The following TBXA2R variants were observed in gnomAD, a reference collection of about 807,000 sequenced individuals.
The protein encoded by TBXA2R is prostanoid TP receptor.
In TBXA2R, 15 loss-of-function variants were observed where a neutral mutation model predicts 15.6. The observed-to-expected ratio is 0.96, with a 90% CI of 0.64 to 1.48. TBXA2R has a LOEUF of 1.48. TBXA2R is among the 40% of genes most tolerant of loss of function. The pLI is 0.00. For synonymous variants in TBXA2R, 280 were observed against 241.2 expected, an observed-to-expected ratio of 1.16 and a Z score of -1.49; for missense variants, 506 against 491.4, an observed-to-expected ratio of 1.03 and a Z score of -0.28.
rs563829483 is a variant in TBXA2R at position 3,601,545 on chromosome 19, C to A, written c.-83-828G>T. 3.3e-5 allele frequency among the ~76,000 whole-genome samples: 5 copies of A among 150,978 alleles called. No homozygotes were observed. The South Asian group carries it at 6.3e-4, about 19-fold the overall frequency. On this transcript the variant is annotated intron_variant, in intron 1 of 2. Transcript: ENST00000375190. ...CTCAAAAAAAAAAAAACCAACCAACCAACAAACAAAAACGCTAAAAACCCC... is the reference window on the plus strand; with the variant it reads ...CTCAAAAAAAAAAAAACCAACCAACAAACAAACAAAAACGCTAAAAACCCC...
chr19:3,604,109 A>G (rs1262346394), intron 1 of TBXA2R, among the ~76,000 whole-genome samples: 3 of 152,170 alleles, frequency 2.0e-5, no homozygotes, highest in African/African-American at 7.2e-5. Flanking sequence ...CAGTCCTGGG[A>G]CGCAGAAGGC....
chr19:3,594,966 G>GCA lies in TBXA2R; in HGVS notation c.*721_*722insTG. 2.6e-6 allele frequency: 4 copies of GCA among 1,534,290 alleles called. No homozygotes were observed. Among genetic ancestry groups the GCA allele is most frequent in the Non-Finnish European group, 3.5e-6 (4 of 1,145,624 alleles). Reference sequence around the variant, plus strand: ...GCAGTGGCTTACGCCTGTAATCCCAGCTGCTCGGGAGGCTGAGGCACGAGA... The same window carrying GCA: ...GCAGTGGCTTACGCCTGTAATCCCAGCACTGCTCGGGAGGCTGAGGCACGAGA... On this transcript the variant is annotated 3_prime_UTR_variant, in exon 3 of 3. Transcript: ENST00000375190.
rs35752339 is a variant in TBXA2R, at chr19:3,606,724, G to A, written c.-278C>T. On this transcript the variant is annotated 5_prime_UTR_variant, in exon 1 of 3. Transcript: ENST00000375190. ...CTGAGTCAGTCTGGCTGTGACCAGG[G>A]GCGGGCCCAGCAGAGGACCCACACA... The A allele has an allele frequency of 6.6e-6, 1 of 152,476 alleles. No individual in the cohort carries two copies. The highest frequency in any genetic ancestry group is 2.4e-5 in the African/African-American group (1 of 41,570). 9.4% of individuals were successfully genotyped at this position (152,476 alleles called of 1,614,324 possible).
chr19:3,605,754 GAC>G (rs1490814146), intron 1 of TBXA2R, among the ~76,000 whole-genome samples: 1 of 151,024 alleles, frequency 6.6e-6, no homozygotes, highest in East Asian at 2.0e-4. Context: ...CATACAGATA[GAC>G]ACACACAGAT....
Position 3,600,398 on chromosome 19 carries a change from C to T in TBXA2R, c.237G>A (p.Leu79=), listed in dbSNP as rs780948933. Residue 79 remains leucine, a synonymous_variant, in exon 2 of 3, where the codon CTG becomes CTA. Transcript: ENST00000375190. Reference sequence around the variant, plus strand: ...GGGACACCACGATGGTACCGGTCACCAGCAGCCCCAGGAAGTCGGTGAGGA... The same window carrying T: ...GGGACACCACGATGGTACCGGTCACTAGCAGCCCCAGGAAGTCGGTGAGGA... The part of the protein sequence containing the change: ...GLVLTDFLGL[L]VTGTIVVSQH... 7.4e-6 allele frequency: 12 copies of T among 1,613,264 alleles called. No homozygotes were observed. Among genetic ancestry groups the T allele is most frequent in the Non-Finnish European group, 1.0e-5 (12 of 1,179,750 alleles).
chr19:3,598,881 C>G (rs34243734), intron 2 of TBXA2R, among the ~76,000 whole-genome samples: 97,880 of 151,902 alleles, frequency 0.64, 32,793 homozygotes, highest in African/African-American at 0.76. Flanking sequence ...TGTTGGCCAG[C>G]ATGGTCTCCA....
At chr19:3,596,123 G>A (rs1291178463) in intron 2 of TBXA2R, among the ~76,000 whole-genome samples, 190 bp from the exon 3 acceptor site, 1 of 152,166 alleles carries the variant, frequency 6.6e-6, no homozygotes, top group Non-Finnish European at 1.5e-5. Flanking sequence ...CTGCCTCCCG[G>A]GTTCAAGCAA....
chr19:3,603,054 G>A (rs573013026), intron 1 of TBXA2R, among the ~76,000 whole-genome samples: 2 of 151,962 alleles, frequency 1.3e-5, no homozygotes, highest in African/African-American at 4.8e-5. Flanking sequence ...AAAAAAAGTC[G>A]GGGTTGCTGA....
intron 1 of TBXA2R, among the ~76,000 whole-genome samples, chr19:3,601,800 G>A (rs566008716): frequency 3.3e-5 from 5 of 152,184 alleles, no homozygotes; most frequent in South Asian, 2.1e-4. Flanking sequence ...GGTGGCGGGC[G>A]CCTGTAATCC....
Position 3,600,701 on chromosome 19 carries a change from C to CACTG in TBXA2R, c.-71_-68dup. On this transcript the variant is annotated 5_prime_UTR_variant, in exon 2 of 3. It removes the in-frame stop codon of an upstream open reading frame in the 5' UTR. Transcript: ENST00000375190. ...CGATGCTGCAGACAGGGCAGGCTGG[C>CACTG]ACTGGTTCAGGCACACCTGGGAGGC... 1 of 1,571,258 alleles carries CACTG rather than the reference C, an allele frequency of 6.4e-7. No homozygotes were observed. Among genetic ancestry groups the CACTG allele is most frequent in the Non-Finnish European group, 8.7e-7 (1 of 1,153,440 alleles).
At chr19:3,604,059 C>T (rs1295845825) in intron 1 of TBXA2R, among the ~76,000 whole-genome samples, 2 of 152,162 alleles carry the variant, frequency 1.3e-5, no homozygotes, top group Non-Finnish European at 2.9e-5. Flanking sequence ...CAGACGTTTG[C>T]CCTCAGCGGG....
At position 3,600,487 on chromosome 19, in the gene TBXA2R, C is replaced by A; in HGVS notation, c.148G>T (p.Ala50Ser). The A allele has an allele frequency of 2.5e-6, 4 of 1,612,928 alleles. No individual in the cohort carries two copies. Among genetic ancestry groups the A allele is most frequent in the Non-Finnish European group, 3.4e-6 (4 of 1,179,664 alleles). ...ASNLLALSVL[A>S]GARQGGSHTR... is the part of the protein sequence containing the mutation. ...TGCGAACCCCCCTGCCGCGCGCCCG[C>A]CAGCACGCTCAGGGCCAGCAGGTTG... The change falls in exon 2 of 3, where the codon GCG (alanine) becomes TCG (serine). Residue 50 changes from alanine (A) to serine (S), a missense_variant. Coordinates refer to ENST00000375190, the MANE Select transcript of TBXA2R (RefSeq NM_001060.6).
chr19:3,601,823 A>T (rs1313149344), intron 1 of TBXA2R, among the ~76,000 whole-genome samples: 2 of 152,050 alleles, frequency 1.3e-5, no homozygotes, highest in Non-Finnish European at 2.9e-5. Context: ...GCTACTCAAG[A>T]GACTGAGGCA....
At chr19:3,604,210 G>C (rs574297345) in intron 1 of TBXA2R, among the ~76,000 whole-genome samples, 5 of 151,728 alleles carry the variant, frequency 3.3e-5, no homozygotes, top group African/African-American at 1.2e-4. Flanking sequence ...CCTGGGTCCC[G>C]GGTTCCAGAA....
intron 2 of TBXA2R, among the ~76,000 whole-genome samples, chr19:3,597,705 G>A (rs1175018941): frequency 6.6e-6 from 1 of 151,992 alleles, no homozygotes; most frequent in Non-Finnish European, 1.5e-5. Context: ...GGCTGAAGCG[G>A]GCAGATCACG....
At chr19:3,596,638 C>G (rs1193498191) in intron 2 of TBXA2R, among the ~76,000 whole-genome samples, 1 of 116,454 alleles carries the variant, frequency 8.6e-6, no homozygotes, top group African/African-American at 3.3e-5. Context: ...TAAATAAATA[C>G]CTTTTTTTTT....
chr19:3,595,311 G>A lies in TBXA2R; in HGVS notation c.*377C>T. The A allele has an allele frequency of 7.8e-7, 1 of 1,276,544 alleles. No homozygotes were observed. The allele number at this position is 1,276,544 out of a possible 1,614,324, so 79.1% of individuals were successfully genotyped here. A position where few individuals can be genotyped will look rare whatever the true frequency, so the allele number is the denominator to read the frequency against. ...GGAGAATCGCTTGAACCCGGGAGGT[G>A]GAGGTTGCAGTGAGCTGAGATTGCG... On this transcript the variant is annotated 3_prime_UTR_variant, in exon 3 of 3. Transcript: ENST00000375190.
At chr19:3,597,655 G>C (rs953651389) in intron 2 of TBXA2R, among the ~76,000 whole-genome samples, 1 of 151,608 alleles carries the variant, frequency 6.6e-6, no homozygotes, top group African/African-American at 2.4e-5. Context: ...TAATTTGGCC[G>C]GGTGCGGTGG....
Position 3,594,687 on chromosome 19 carries a change from C to T in TBXA2R, c.*1001G>A, listed in dbSNP as rs1023484752. On this transcript the variant is annotated 3_prime_UTR_variant, in exon 3 of 3. Coordinates refer to ENST00000375190, the MANE Select transcript of TBXA2R (RefSeq NM_001060.6). ...GGGAGGAACCGAATCCTCTATGTCC[C>T]TCCCCATCCTTCCCAGCCCTGCCCT... 1 of 635,222 alleles carries T rather than the reference C, an allele frequency of 1.6e-6. No individual in the cohort carries two copies. The highest frequency in any genetic ancestry group is 1.8e-5 in the African/African-American group (1 of 54,180). 39.3% of individuals were successfully genotyped at this position (635,222 alleles called of 1,614,324 possible).
Sources: gnomAD v4.1 joint callset for allele counts (sites outside exome capture counted in the v4.1 genomes callset) on GRCh38, gnomAD v4.1.1 for gene constraint, MANE v1.5 for transcripts, NCBI Gene and HGNC (gene_info 2026-07-23, HGNC 2026-07-21) for gene names.